CCSER1: variants seen among roughly 807,000 people sequenced by gnomAD.
CCSER1 encodes coiled-coil serine rich protein 1, also known as serine-rich coiled-coil domain-containing protein 1.
A neutral mutation model predicts 82.0 loss-of-function variants in CCSER1; 41 were observed. The ratio of observed to expected loss-of-function variants is 0.50; its 90% CI spans 0.39 to 0.65. The LOEUF (loss-of-function observed/expected upper bound fraction) is 0.65, where lower values mean the gene tolerates loss of function less well. Among genes scored for constraint, CCSER1 ranks in the 30% least tolerant of loss-of-function variants. The probability of loss-of-function intolerance (pLI) is 0.00; values close to 1 mark genes in which losing one functional copy is unlikely to be tolerated. For missense variants in CCSER1, 1,119 were observed against 1,064.2 expected, an observed-to-expected ratio of 1.05 and a Z score of -0.72; for synonymous variants, 414 against 383.9, an observed-to-expected ratio of 1.08 and a Z score of -0.92.
chr4:90,312,893 A>G lies in CCSER1; in HGVS notation c.1355A>G (p.Glu452Gly). The part of the protein sequence containing the change: ...VLASSLSPFR[E>G]GRFIERRLRS... Reference sequence around the variant, plus strand: ...GCCAGTAGTCTCAGTCCATTTCGTGAAGGAAGATTTATAGAGAGGAGACTG... The same window carrying G: ...GCCAGTAGTCTCAGTCCATTTCGTGGAGGAAGATTTATAGAGAGGAGACTG... Residue 452 changes from glutamate to glycine, a missense_variant, in exon 3 of 11, where the codon GAA (glutamate) becomes GGA (glycine). By Grantham distance (98) the Glu-to-Gly change is moderately conservative (BLOSUM62 -2). Transcript: ENST00000509176. 6.3e-7 allele frequency: 1 copy of G among 1,577,650 alleles called. No homozygotes were observed.
At chr4:91,110,121 G>A (rs1196001458) in intron 10 of CCSER1, among the ~76,000 whole-genome samples, 3 of 151,820 alleles carry the variant, frequency 2.0e-5, no homozygotes, top group Admixed American at 6.6e-5. Context: ...CATATCATCA[G>A]TGTTGTCCTA....
At chr4:90,903,613 C>G (rs1004441972) in intron 8 of CCSER1, among the ~76,000 whole-genome samples, 1 of 152,140 alleles carries the variant, frequency 6.6e-6, no homozygotes, top group African/African-American at 2.4e-5. Context: ...ACTGCCAGAG[C>G]TTTCAGGCAC....
chr4:90,509,821 C>T (rs1462986052), intron 5 of CCSER1, among the ~76,000 whole-genome samples: 1 of 151,428 alleles, frequency 6.6e-6, no homozygotes, highest in Non-Finnish European at 1.5e-5. Context: ...GATTAGCATA[C>T]TTGAATATTT....
chr4:90,632,932 G>T (rs1275621091), intron 6 of CCSER1, among the ~76,000 whole-genome samples: 1 of 152,052 alleles, frequency 6.6e-6, no homozygotes, highest in Non-Finnish European at 1.5e-5. Flanking sequence ...AGGCTAAAAT[G>T]ATTATGTGAT....
intron 10 of CCSER1, among the ~76,000 whole-genome samples, chr4:91,339,220 A>C (rs1747531002): frequency 6.6e-6 from 1 of 152,188 alleles, no homozygotes; most frequent in South Asian, 2.1e-4. Flanking sequence ...GAAATGAAAG[A>C]TAAGACAATT....
intron 10 of CCSER1, among the ~76,000 whole-genome samples, chr4:91,263,046 T>C (rs2149168621): frequency 6.6e-6 from 1 of 152,122 alleles, no homozygotes; most frequent in East Asian, 1.9e-4. Context: ...CCCACGGGAA[T>C]TTTGTAAGAA....
At chr4:91,071,719 T>C (rs1385266178) in intron 9 of CCSER1, among the ~76,000 whole-genome samples, 2 of 152,128 alleles carry the variant, frequency 1.3e-5, no homozygotes, top group African/African-American at 4.8e-5. Flanking sequence ...TCAATAAGCT[T>C]AGTATCTCAT....
intron 10 of CCSER1, among the ~76,000 whole-genome samples, chr4:91,293,932 C>A (rs1743963812): frequency 6.6e-6 from 1 of 151,914 alleles, no homozygotes; most frequent in Non-Finnish European, 1.5e-5. Context: ...ACTCTGAAAG[C>A]TTTCCTCTGG....
chr4:90,135,869 A>G (rs187202766), intron 1 of CCSER1, among the ~76,000 whole-genome samples: 1 of 152,256 alleles, frequency 6.6e-6, no homozygotes, highest in African/African-American at 2.4e-5. Context: ...TAAATTACCA[A>G]TAACTTATGG....
At chr4:90,949,575 T>C (rs952794607) in intron 9 of CCSER1, among the ~76,000 whole-genome samples, 1 of 152,230 alleles carries the variant, frequency 6.6e-6, no homozygotes, top group East Asian at 1.9e-4. Context: ...TCATGTGATA[T>C]ATGAGGAAAA....
chr4:90,658,492 G>A (rs746363222), intron 6 of CCSER1, among the ~76,000 whole-genome samples: 45 of 152,088 alleles, frequency 3.0e-4, no homozygotes, highest in Admixed American at 1.0e-3. Context: ...CACTAGTGAC[G>A]GCCCTGCTTA....
At chr4:90,158,541 C>A (rs950575788) in intron 1 of CCSER1, among the ~76,000 whole-genome samples, 5 of 152,212 alleles carry the variant, frequency 3.3e-5, no homozygotes, top group African/African-American at 1.2e-4. Context: ...CCAGTTGGAG[C>A]TTCCTGGCTG....
chr4:91,075,254 C>T (rs1721855711), intron 9 of CCSER1, among the ~76,000 whole-genome samples: 3 of 151,540 alleles, frequency 2.0e-5, no homozygotes, highest in East Asian at 1.9e-4. Context: ...CACTGCAGAA[C>T]ATTTGCTTTA....
At chr4:90,655,751 A>C (rs1403044904) in intron 6 of CCSER1, among the ~76,000 whole-genome samples, 2 of 152,036 alleles carry the variant, frequency 1.3e-5, no homozygotes, top group East Asian at 3.8e-4. Context: ...GTATGTGTGC[A>C]TTTACTCAGA....
At chr4:90,774,034 G>A (rs1442450586) in intron 7 of CCSER1, among the ~76,000 whole-genome samples, 1 of 152,090 alleles carries the variant, frequency 6.6e-6, no homozygotes. Flanking sequence ...AATACTGTAA[G>A]TGCCTTGGGA....
chr4:90,380,558 A>G (rs1405749602), intron 3 of CCSER1, among the ~76,000 whole-genome samples: 1 of 152,146 alleles, frequency 6.6e-6, no homozygotes, highest in Non-Finnish European at 1.5e-5. Context: ...CTCAGAATAC[A>G]TTTAAATTGT....
intron 1 of CCSER1, among the ~76,000 whole-genome samples, chr4:90,180,994 T>TAA (rs1241563930): frequency 4.6e-5 from 7 of 152,166 alleles, no homozygotes; most frequent in Non-Finnish European, 7.4e-5. Context: ...TATATATATA[T>TAA]AATGAGCATA....
Position 90,167,522 on chromosome 4 carries a change from G to C in CCSER1, c.-42+39691G>C, listed in dbSNP as rs553186075. ...AAGTTTTAGGGTACATGTGCACAAT[G>C]TGCAGGTTTGTTACATATGTATACA... On this transcript the variant is annotated intron_variant, in intron 1 of 10. Transcript: ENST00000509176. Among the ~76,000 whole-genome samples the C allele has an allele frequency of 2.8e-4, 43 of 152,214 alleles. 1 individual carries two copies. Among genetic ancestry groups the C allele is most frequent in the African/African-American group, 9.9e-4 (41 of 41,544 alleles).
Position 91,325,353 on chromosome 4 carries a change from C to A in CCSER1, c.2217+239359C>A, listed in dbSNP as rs182726242. On this transcript the variant is annotated intron_variant, in intron 10 of 10. Coordinates refer to ENST00000509176, the MANE Select transcript of CCSER1 (RefSeq NM_001145065.2). ...ATTTGACAGAAACTATTGCCAATAT[C>A]TTACTGTTCATAAGTATGCCATGTG... The A allele has an allele frequency of 2.0e-4, 72 of 364,322 alleles. No individual in the cohort carries two copies. The East Asian group carries it at 4.9e-3, about 25-fold the overall frequency. 22.6% of individuals were successfully genotyped at this position (364,322 alleles called of 1,614,324 possible). A position where few individuals can be genotyped will look rare whatever the true frequency, so the allele number is the denominator to read the frequency against.
Sources: gnomAD v4.1 joint callset for allele counts (sites outside exome capture counted in the v4.1 genomes callset) on GRCh38, gnomAD v4.1.1 for gene constraint, MANE v1.5 for transcripts, NCBI Gene and HGNC (gene_info 2026-07-23, HGNC 2026-07-21) for gene names.